KCNMA1: variants seen among roughly 807,000 people sequenced by gnomAD.
KCNMA1 encodes the protein Calcium-activated potassium channel subunit alpha-1.
KCNMA1 carries 29 observed loss-of-function variants against 140.0 expected under a neutral mutation model. The observed-to-expected ratio is 0.21, with a 90% CI of 0.15 to 0.28. The LOEUF (loss-of-function observed/expected upper bound fraction) is 0.28. Among genes scored for constraint, KCNMA1 ranks in the 10% least tolerant of loss-of-function variants. KCNMA1 has a pLI of 1.00. For missense variants in KCNMA1, 880 were observed against 1,602.2 expected, an observed-to-expected ratio of 0.55 and a Z score of 7.70; for synonymous variants, 612 against 611.9, an observed-to-expected ratio of 1.00 and a Z score of 0.00.
At chr10:77,295,122 C>A (rs1244590486) in intron 2 of KCNMA1, among the ~76,000 whole-genome samples, 1 of 150,896 alleles carries the variant, frequency 6.6e-6, no homozygotes, top group African/African-American at 2.4e-5. Flanking sequence ...CCAAGGTGGG[C>A]AGATCACCTG....
At chr10:77,231,159 C>A (rs995672903) in intron 3 of KCNMA1, among the ~76,000 whole-genome samples, 10 of 152,114 alleles carry the variant, frequency 6.6e-5, no homozygotes, top group Non-Finnish European at 1.3e-4. Flanking sequence ...TTTTCCTCTC[C>A]TTTATCATTT....
intron 22 of KCNMA1, among the ~76,000 whole-genome samples, chr10:76,946,097 C>A (rs1475026768): frequency 6.6e-6 from 1 of 151,998 alleles, no homozygotes; most frequent in African/African-American, 2.4e-5. Context: ...GTGGAAAAAT[C>A]CCAGATCCAG....
At chr10:77,173,259 G>A (rs184460334) in intron 5 of KCNMA1, among the ~76,000 whole-genome samples, 408 of 152,298 alleles carry the variant, frequency 2.7e-3, no homozygotes, top group Middle Eastern at 0.014. Context: ...TATTAAAAAT[G>A]TGTTAACTTG....
intron 3 of KCNMA1, among the ~76,000 whole-genome samples, chr10:77,198,568 G>GATATATATATATATATGTGATATAT (rs2041416058): frequency 1.4e-5 from 2 of 138,428 alleles, no homozygotes; most frequent in African/African-American, 5.3e-5. Flanking sequence ...ATATATATGT[G>GATATATATATATATATGTGATATAT]ATATATATAT....
chr10:77,387,077 C>T (rs139160050), intron 2 of KCNMA1, among the ~76,000 whole-genome samples: 465 of 152,244 alleles, frequency 3.1e-3, no homozygotes, highest in Non-Finnish European at 5.7e-3. Flanking sequence ...GGGCTGTGAT[C>T]AGCGTGTGCT....
chr10:77,237,798 C>T (rs548451048), intron 3 of KCNMA1, among the ~76,000 whole-genome samples: 5 of 152,272 alleles, frequency 3.3e-5, no homozygotes, highest in African/African-American at 9.6e-5. Flanking sequence ...GGAAAGGGCA[C>T]AGATGACAAA....
chr10:77,207,948 T>A (rs936549448), intron 3 of KCNMA1, among the ~76,000 whole-genome samples: 1 of 152,218 alleles, frequency 6.6e-6, no homozygotes, highest in African/African-American at 2.4e-5. Context: ...GCTGAGAATC[T>A]GGAATGCAGA....
intron 1 of KCNMA1, among the ~76,000 whole-genome samples, chr10:77,470,184 G>C (rs2098120181): frequency 6.6e-6 from 1 of 152,150 alleles, no homozygotes; most frequent in South Asian, 2.1e-4. Flanking sequence ...ATCCAGGAAA[G>C]GGAAACAGGT....
intron 19 of KCNMA1, among the ~76,000 whole-genome samples, chr10:77,000,861 T>A (rs12240291): frequency 0.097 from 1,226 of 12,662 alleles, 175 homozygotes; most frequent in Middle Eastern, 0.25. Flanking sequence ...AAAGAAAATA[T>A]ATATATATAT....
At chr10:77,132,617 C>T (rs886406315) in intron 5 of KCNMA1, among the ~76,000 whole-genome samples, 72 of 151,330 alleles carry the variant, frequency 4.8e-4, no homozygotes, top group African/African-American at 1.7e-3. Context: ...CTCCGCCCCA[C>T]GGCCAGCAGA....
rs540725333 is a variant in KCNMA1, at chr10:77,476,386, C to T, written c.379-72363G>A. Among the ~76,000 whole-genome samples, 30 of 152,248 alleles carry T rather than the reference C, an allele frequency of 2.0e-4. No homozygotes were observed. In the South Asian group the frequency reaches 6.2e-3, roughly 32 times the overall value. ...TCCACCTCCCACTCCTGTGAGCCCTCCTCCCTCCTATGCCAGCCTCTCTCC... is the reference window on the plus strand; with the variant it reads ...TCCACCTCCCACTCCTGTGAGCCCTTCTCCCTCCTATGCCAGCCTCTCTCC... On this transcript the variant is annotated intron_variant, in intron 1 of 27. Transcript: ENST00000286628.
intron 1 of KCNMA1, among the ~76,000 whole-genome samples, chr10:77,515,826 C>A (rs1489165382): frequency 6.6e-6 from 1 of 152,204 alleles, no homozygotes; most frequent in Non-Finnish European, 1.5e-5. Flanking sequence ...CCTCCAGCCC[C>A]TGGGCTGGGA....
intron 14 of KCNMA1, among the ~76,000 whole-genome samples, chr10:77,046,466 G>T (rs2095060694): frequency 6.6e-6 from 1 of 152,140 alleles, no homozygotes; most frequent in African/African-American, 2.4e-5. Flanking sequence ...GCTCTAAGTT[G>T]ATGAATGTTT....
At chr10:77,085,100 G>T in intron 11 of KCNMA1, among the ~76,000 whole-genome samples, 1 of 152,240 alleles carries the variant, frequency 6.6e-6, no homozygotes, top group Non-Finnish European at 1.5e-5. Context: ...GTTGGAGGTG[G>T]GTGGGTTAAA....
rs1171350696 is a variant in KCNMA1 at position 77,000,856 on chromosome 10, A to AAG, written c.2266+550_2266+551insCT. On this transcript the variant is annotated intron_variant, in intron 19 of 27. Transcript: ENST00000286628. ...AGGTTAGAGAGACATAGTAAAAAGA[A>AAG]AATATATATATATATATATATATAT... Among the ~76,000 whole-genome samples, 2 of 50,574 alleles carry AAG rather than the reference A, an allele frequency of 4.0e-5. 1 individual carries two copies. Among genetic ancestry groups the AAG allele is most frequent in the Non-Finnish European group, 9.1e-5 (2 of 22,080 alleles). The allele number at this position is 50,574 out of a possible 152,430, so 33.2% of individuals were successfully genotyped here. A position where few individuals can be genotyped will look rare whatever the true frequency, so the allele number is the denominator to read the frequency against.
chr10:77,598,348 A>AT (rs1241498216), intron 1 of KCNMA1, among the ~76,000 whole-genome samples: 3 of 152,156 alleles, frequency 2.0e-5, no homozygotes, highest in African/African-American at 7.2e-5. Context: ...TCCCTGTGGC[A>AT]TCCCCAGCAC....
At chr10:77,430,067 G>A (rs2097120302) in intron 1 of KCNMA1, among the ~76,000 whole-genome samples, 1 of 152,102 alleles carries the variant, frequency 6.6e-6, no homozygotes, top group South Asian at 2.1e-4. Flanking sequence ...TAAAATCTTG[G>A]GACCCTCAAC....
At chr10:77,294,352 C>A (rs945283078) in intron 2 of KCNMA1, among the ~76,000 whole-genome samples, 12 of 152,150 alleles carry the variant, frequency 7.9e-5, no homozygotes, top group Admixed American at 7.9e-4. Flanking sequence ...AATGAGATGT[C>A]CCCAGAGCTA....
chr10:77,592,154 A>T (rs1164627100), intron 1 of KCNMA1, among the ~76,000 whole-genome samples: 3 of 151,354 alleles, frequency 2.0e-5, no homozygotes, highest in African/African-American at 7.3e-5. Context: ...ATAAATAAAT[A>T]AAACAAAAAA....
Sources: allele counts gnomAD v4.1 joint callset (sites outside exome capture counted in the v4.1 genomes callset), GRCh38; gene constraint gnomAD v4.1.1; transcripts MANE v1.5; gene names NCBI Gene and HGNC (gene_info 2026-07-23, HGNC 2026-07-21).